FBXO44: variants seen among roughly 807,000 people sequenced by gnomAD.
FBXO44 encodes F-box protein 44.
Under a neutral mutation model 33.5 loss-of-function variants are expected in FBXO44, and 25 were observed. The ratio of observed to expected loss-of-function variants is 0.75; its 90% CI spans 0.54 to 1.04. The LOEUF (loss-of-function observed/expected upper bound fraction) is 1.04, where lower values mean the gene tolerates loss of function less well. Ranked by LOEUF, FBXO44 falls within the 50% of genes least tolerant of loss-of-function variation. FBXO44 has a pLI of 0.00. For synonymous variants in FBXO44, 147 were observed against 152.8 expected (o/e 0.96, Z 0.28); for missense variants, 311 against 344.0 (o/e 0.90, Z 0.76).
intron 5 of FBXO44, 63 bp downstream of exon 5, chr1:11,658,934 G>A (rs754397708): frequency 9.4e-5 from 149 of 1,587,436 alleles, no homozygotes; most frequent in South Asian, 2.6e-4. Context: ...GTGGTCAGAC[G>A]GGGCCTAGGT....
upstream of FBXO44, chr1:11,654,603 A>C: frequency 2.9e-6 from 1 of 349,800 alleles, no homozygotes; most frequent in South Asian, 1.4e-4. Context: ...TTTTTTTTCC[A>C]ACTGGGGAGG....
intron 5 of FBXO44, among the ~76,000 whole-genome samples, chr1:11,659,394 G>C (rs1254301414): frequency 6.6e-6 from 1 of 151,888 alleles, no homozygotes; most frequent in East Asian, 1.9e-4. Context: ...AAAAAGAAAA[G>C]AAAAGAAAAA....
In FBXO44 at chr1:11,656,038, G is replaced by A. The variant is rs778410252; in HGVS notation, c.203G>A (p.Trp68Ter). The A allele has an allele frequency of 6.8e-6, 11 of 1,614,174 alleles. No individual in the cohort carries two copies. Among genetic ancestry groups the A allele is most frequent in the Non-Finnish European group, 7.6e-6 (9 of 1,180,030 alleles). ...GACTGGGACCAGCCCGTGGCCGACT[G>A]GAAGATCTTCTACTTCTTACGGAGC... ...TEDWDQPVAD[W>*]KIFYFLRSLH... Residue 68 changes from tryptophan to a stop codon, truncating the protein, a stop_gained, in exon 2 of 6, where the codon TGG becomes TAG. Transcript: ENST00000251547. LOFTEE classifies it high-confidence loss of function.
intron 2 of FBXO44, 140 bp from the exon 3 acceptor site, chr1:11,658,127 C>G: frequency 7.1e-7 from 1 of 1,403,988 alleles, no homozygotes. Context: ...GCGGTGGGCA[C>G]TGTGATCTGC....
intron 5 of FBXO44, among the ~76,000 whole-genome samples, chr1:11,659,082 G>A (rs1290995032): frequency 1.3e-5 from 2 of 152,208 alleles, no homozygotes; most frequent in African/African-American, 2.4e-5. Flanking sequence ...GCAAAGCCAG[G>A]GCCAAAAAAT....
chr1:11,659,292 C>G (rs1388990776), intron 5 of FBXO44, among the ~76,000 whole-genome samples: 1 of 152,126 alleles, frequency 6.6e-6, no homozygotes, highest in African/African-American at 2.4e-5. Flanking sequence ...GCAGAAGAAT[C>G]GCTTGAATCC....
chr1:11,659,863 CA>C (rs1179712126), intron 5 of FBXO44, among the ~76,000 whole-genome samples: 1 of 152,208 alleles, frequency 6.6e-6, no homozygotes, highest in African/African-American at 2.4e-5. Context: ...TTGTCTCTGT[CA>C]CAATTACTCA....
intron 2 of FBXO44, 75 bp from the exon 3 acceptor site, chr1:11,658,192 G>T: frequency 6.2e-7 from 1 of 1,602,508 alleles, no homozygotes; most frequent in Non-Finnish European, 8.5e-7. Flanking sequence ...GCAGAGGAGT[G>T]GGGAGGAAGG....
rs2100674032 is a variant in FBXO44 at position 11,663,127 on chromosome 1, TG to T, written c.*1855del. On this transcript the variant is annotated 3_prime_UTR_variant, in exon 6 of 6. Transcript: ENST00000251547. ...GCCCACCACCATGCCCGGCTAATTT[TG>T]TTTGTATTTTTAGTAGAGATGGAGT... The T allele has an allele frequency of 6.6e-6, 1 of 151,794 alleles. No individual in the cohort carries two copies. The highest frequency in any genetic ancestry group is 1.9e-4 in the East Asian group (1 of 5,156). 9.4% of individuals were successfully genotyped at this position (151,794 alleles called of 1,614,324 possible). A position where few individuals can be genotyped will look rare whatever the true frequency, so the allele number is the denominator to read the frequency against.
rs770859002 is a variant in FBXO44 at position 11,655,901 on chromosome 1, C to T, written c.66C>T (p.Pro22=). Residue 22 remains proline (P), a synonymous_variant, in exon 2 of 6, where the codon CCC becomes CCT. Coordinates refer to ENST00000251547, the MANE Select transcript of FBXO44 (RefSeq NM_033182.7). ...TGCTGGAGCTGTTCACGCACGTGCC[C>T]GCCCGCCAGCTGCTGCTGAACTGCC... ...NILLELFTHV[P]ARQLLLNCRL... 9.3e-6 allele frequency: 15 copies of T among 1,613,920 alleles called. No homozygotes were observed. The highest frequency in any genetic ancestry group is 1.7e-4 in the Middle Eastern group (1 of 6,060).
chr1:11,659,248 G>C (rs1246265923), intron 5 of FBXO44, among the ~76,000 whole-genome samples: 1 of 152,176 alleles, frequency 6.6e-6, no homozygotes, highest in Non-Finnish European at 1.5e-5. Flanking sequence ...TTACCCAGGC[G>C]TGGTGGCACA....
chr1:11,660,667 A>G (rs1040196393), intron 5 of FBXO44, among the ~76,000 whole-genome samples: 1 of 152,210 alleles, frequency 6.6e-6, no homozygotes, highest in African/African-American at 2.4e-5. Context: ...AGTTCAAACT[A>G]GAACTCCACT....
upstream of FBXO44, chr1:11,654,529 T>G (rs1639631176): frequency 1.2e-5 from 5 of 433,124 alleles, no homozygotes; most frequent in East Asian, 1.9e-4. Flanking sequence ...CCCAGCAGTC[T>G]GCTCGAGGCC....
At position 11,661,612 on chromosome 1, in the gene FBXO44, C is replaced by G. The variant is rs1640195459; in HGVS notation, c.*339C>G. The G allele has an allele frequency of 5.8e-6, 2 of 345,348 alleles. No homozygotes were observed. The highest frequency in any genetic ancestry group is 4.1e-5 in the African/African-American group (2 of 48,598). The allele number at this position is 345,348 out of a possible 1,614,324, so 21.4% of individuals were successfully genotyped here. ...CCAGCCTGGATCTGTCTCTCCCTTC[C>G]CCTCCTGGGACCATTCTACCTGTGT... is the stretch of plus-strand genomic sequence containing the variant. On this transcript the variant is annotated 3_prime_UTR_variant, in exon 6 of 6. Transcript: ENST00000251547. This position sits in a 1 kb window ranked among gnomAD's most constrained non-coding sequence, Gnocchi z 4.4.
At chr1:11,657,091 T>C (rs1490574696) in intron 2 of FBXO44, among the ~76,000 whole-genome samples, 3 of 152,152 alleles carry the variant, frequency 2.0e-5, no homozygotes, top group Non-Finnish European at 2.9e-5. Flanking sequence ...ATGACCAAAT[T>C]CTGGAGCAAA....
At position 11,662,331 on chromosome 1, in the gene FBXO44, G is replaced by A. The variant is rs1640233912; in HGVS notation, c.*1058G>A. On this transcript the variant is annotated 3_prime_UTR_variant, in exon 6 of 6. Transcript: ENST00000251547. ...TTTCTGGAAGGAAAGGCAGACTTTA[G>A]GTGGTCCTGCCTGGACCTGCAGATG... 6.6e-6 allele frequency: 1 copy of A among 152,306 alleles called. No individual in the cohort carries two copies. The allele number at this position is 152,306 out of a possible 1,614,324, so 9.4% of individuals were successfully genotyped here. A position where few individuals can be genotyped will look rare whatever the true frequency, so the allele number is the denominator to read the frequency against.
rs1259026165 is a variant in FBXO44 at position 11,661,075 on chromosome 1, A to T, written c.625-55A>T. 3 of 1,552,538 alleles carry T rather than the reference A, an allele frequency of 1.9e-6. No homozygotes were observed. Among genetic ancestry groups the T allele is most frequent in the Non-Finnish European group, 8.8e-7 (1 of 1,137,928 alleles). ...TGGGATTCCCGGTGTGAGCCGCCAC[A>T]CCCAGCCTGAGTCAGCTCCCTTGAC... On this transcript the variant is annotated intron_variant, in intron 5 of 5. Coordinates refer to ENST00000251547, the MANE Select transcript of FBXO44 (RefSeq NM_033182.7). This position sits in a 1 kb window ranked among gnomAD's most constrained non-coding sequence, Gnocchi z 4.4.
In FBXO44 at chr1:11,658,683, C is replaced by G. The variant is rs572795365; in HGVS notation, c.489-53C>G. ...GGGCATGCCAATCAGGCGCCCCACC[C>G]CCGCCCTGCCCCCAATCTCCGAGGC... On this transcript the variant is annotated intron_variant, in intron 4 of 5. Coordinates refer to ENST00000251547, the MANE Select transcript of FBXO44 (RefSeq NM_033182.7). The G allele has an allele frequency of 5.6e-6, 9 of 1,608,056 alleles. No homozygotes were observed. The Admixed American group carries it at 1.2e-4, about 21-fold the overall frequency.
At chr1:11,657,411 G>T (rs1639880499) in intron 2 of FBXO44, among the ~76,000 whole-genome samples, 1 of 151,544 alleles carries the variant, frequency 6.6e-6, no homozygotes, top group Non-Finnish European at 1.5e-5. Context: ...CTAGACCCAG[G>T]TCTGTCTGGC....
Sources: allele counts gnomAD v4.1 joint callset (sites outside exome capture counted in the v4.1 genomes callset), GRCh38; gene constraint gnomAD v4.1.1; non-coding constraint Gnocchi (gnomAD v3.1); transcripts MANE v1.5; gene names NCBI Gene and HGNC (gene_info 2026-07-23, HGNC 2026-07-21).